CNTN1: variants seen among roughly 807,000 people sequenced by gnomAD.
The protein encoded by CNTN1 is contactin 1, also known as contactin-1.
CNTN1 carries 38 observed loss-of-function variants against 126.4 expected under a neutral mutation model. The observed-to-expected ratio is 0.30, with a 90% CI of 0.23 to 0.39. The LOEUF (loss-of-function observed/expected upper bound fraction) is 0.39. Ranked by LOEUF, CNTN1 falls within the 10% of genes least tolerant of loss-of-function variation. The pLI is 1.00. For synonymous variants in CNTN1, 413 were observed against 422.6 expected (o/e 0.98, Z 0.28); for missense variants, 1,009 against 1,248.4 (o/e 0.81, Z 2.89).
chr12:41,017,605 A>C (rs748996308), intron 19 of CNTN1, among the ~76,000 whole-genome samples: 6 of 152,044 alleles, frequency 3.9e-5, no homozygotes, highest in Admixed American at 6.5e-5. Flanking sequence ...CCTGTAGGGC[A>C]TTTAGGAAAA....
chr12:40,813,066 C>T (rs200396397), intron 1 of CNTN1, among the ~76,000 whole-genome samples: 570 of 35,038 alleles, frequency 0.016, 2 homozygotes, highest in East Asian at 0.081. Context: ...TTTCTTCCTT[C>T]CTTCCTTCCT....
chr12:40,733,045 T>C (rs1223427374), intron 1 of CNTN1, among the ~76,000 whole-genome samples: 1 of 152,062 alleles, frequency 6.6e-6, no homozygotes, highest in Non-Finnish European at 1.5e-5. Context: ...AGCTTCTGCA[T>C]TCTGTTTATA....
intron 1 of CNTN1, among the ~76,000 whole-genome samples, chr12:40,733,853 G>T (rs1342136913): frequency 6.6e-6 from 1 of 151,930 alleles, no homozygotes; most frequent in African/African-American, 2.4e-5. Flanking sequence ...TGATTTGATT[G>T]CAGCTCCAGC....
chr12:40,997,106 G>C (rs1331915223), intron 17 of CNTN1, among the ~76,000 whole-genome samples: 1 of 152,196 alleles, frequency 6.6e-6, no homozygotes, highest in African/African-American at 2.4e-5. Flanking sequence ...TTATAAAATG[G>C]ATGCTCCCAA....
intron 1 of CNTN1, among the ~76,000 whole-genome samples, chr12:40,778,355 A>G (rs768400521): frequency 2.0e-5 from 3 of 151,888 alleles, no homozygotes; most frequent in Non-Finnish European, 4.4e-5. Flanking sequence ...ATTCATTTAT[A>G]TACAGTCTAG....
chr12:40,973,425 G>C (rs991130502), intron 15 of CNTN1, among the ~76,000 whole-genome samples: 15 of 152,070 alleles, frequency 9.9e-5, no homozygotes, highest in Non-Finnish European at 1.5e-4. Context: ...CTGTCACTCA[G>C]CAATTTCAAT....
chr12:40,740,869 G>C (rs1937916814), intron 1 of CNTN1, among the ~76,000 whole-genome samples: 2 of 152,072 alleles, frequency 1.3e-5, no homozygotes, highest in African/African-American at 4.8e-5. Context: ...ATGTGCTTTT[G>C]CTCTTCCTTT....
chr12:40,785,691 G>A (rs1293677768), intron 1 of CNTN1, among the ~76,000 whole-genome samples: 2 of 151,990 alleles, frequency 1.3e-5, no homozygotes, highest in African/African-American at 4.8e-5. Context: ...GTTAGGATGG[G>A]GCAGAAACAA....
intron 1 of CNTN1, among the ~76,000 whole-genome samples, chr12:40,752,946 T>C (rs1425913011): frequency 6.6e-6 from 1 of 152,166 alleles, no homozygotes; most frequent in African/African-American, 2.4e-5. Flanking sequence ...CTGCCCAAGC[T>C]ACATGATTGG....
chr12:40,716,171 G>T (rs2121191191), intron 1 of CNTN1, among the ~76,000 whole-genome samples: 1 of 151,540 alleles, frequency 6.6e-6, no homozygotes, highest in South Asian at 2.1e-4. Context: ...TAAGTAATGA[G>T]GGACTGGCCC....
intron 1 of CNTN1, among the ~76,000 whole-genome samples, chr12:40,828,514 C>A (rs1941694814): frequency 6.6e-6 from 1 of 152,034 alleles, no homozygotes; most frequent in African/African-American, 2.4e-5. Flanking sequence ...CAAAAGCTTT[C>A]CAAGAATGTA....
rs185197067 is a variant in CNTN1 at position 40,815,758 on chromosome 12, T to C, written c.-76-92599T>C. On this transcript the variant is annotated intron_variant, in intron 1 of 23. Coordinates refer to ENST00000551295, the MANE Select transcript of CNTN1 (RefSeq NM_001843.4). ...TCAAAGGGAATGCTTCCAGCTTTTG[T>C]CCATTCTACATGACATTGTCTGTAG... 1.4e-3 allele frequency among the ~76,000 whole-genome samples: 208 copies of C among 152,270 alleles called. 2 individuals are homozygous for C. Among genetic ancestry groups the C allele is most frequent in the African/African-American group, 4.4e-3 (181 of 41,572 alleles).
At chr12:41,067,054 T>A (rs1263746435) in intron 23 of CNTN1, among the ~76,000 whole-genome samples, 3 of 152,178 alleles carry the variant, frequency 2.0e-5, no homozygotes, top group African/African-American at 7.2e-5. Flanking sequence ...TGTTGTTAGA[T>A]TCAAAACCAA....
At chr12:40,829,676 T>C (rs1369271036) in intron 1 of CNTN1, among the ~76,000 whole-genome samples, 1 of 152,148 alleles carries the variant, frequency 6.6e-6, no homozygotes, top group Non-Finnish European at 1.5e-5. Context: ...TCTTCAAAGC[T>C]GATCTAGTTT....
At chr12:40,714,153 T>C (rs1322600470) in intron 1 of CNTN1, among the ~76,000 whole-genome samples, 1 of 152,134 alleles carries the variant, frequency 6.6e-6, no homozygotes, top group Admixed American at 6.5e-5. Flanking sequence ...ATCTTGTCTG[T>C]TTGAAAATTC....
intron 1 of CNTN1, among the ~76,000 whole-genome samples, chr12:40,732,903 C>G (rs1229929160): frequency 1.3e-5 from 2 of 152,016 alleles, no homozygotes; most frequent in Non-Finnish European, 1.5e-5. Context: ...TTTTTTATTA[C>G]TCTCTCTCCT....
chr12:40,847,356 TAAACTTGATGAATA>T (rs1228254580), intron 1 of CNTN1, among the ~76,000 whole-genome samples: 1 of 152,206 alleles, frequency 6.6e-6, no homozygotes, highest in Non-Finnish European at 1.5e-5. Context: ...TAAAGTATCT[TAAACTTGATGAATA>T]AAGTTTATAT....
intron 7 of CNTN1, 109 bp downstream of exon 7, chr12:40,930,111 G>A (rs1172067408): frequency 5.3e-6 from 5 of 938,678 alleles, no homozygotes; most frequent in Non-Finnish European, 8.7e-6. Flanking sequence ...TTTCAGGAAG[G>A]ACAATATAAA....
chr12:40,942,584 A>AGT (rs2136947713), intron 12 of CNTN1, among the ~76,000 whole-genome samples: 1 of 152,240 alleles, frequency 6.6e-6, no homozygotes, highest in South Asian at 2.1e-4. Context: ...GAATAAACAC[A>AGT]GTGATGGATT....
Sources: gnomAD v4.1 joint callset for allele counts (sites outside exome capture counted in the v4.1 genomes callset) on GRCh38, gnomAD v4.1.1 for gene constraint, MANE v1.5 for transcripts, NCBI Gene and HGNC (gene_info 2026-07-23, HGNC 2026-07-21) for gene names.